Variants in POLR3E observed in about 807,000 individuals in gnomAD.
POLR3E encodes RNA polymerase III subunit E.
Under a neutral mutation model 96.6 loss-of-function variants are expected in POLR3E, and 41 were observed. The observed-to-expected ratio is 0.42, with a 90% CI of 0.33 to 0.55. The LOEUF (loss-of-function observed/expected upper bound fraction) is 0.55, where lower values mean the gene tolerates loss of function less well. POLR3E is among the 20% of genes least tolerant of loss of function. The pLI, the probability that POLR3E is intolerant of heterozygous loss-of-function variation, is 0.06. For synonymous variants in POLR3E, 396 were observed against 383.6 expected (o/e 1.03, Z -0.38); for missense variants, 849 against 952.1 (o/e 0.89, Z 1.43).
Position 22,305,156 on chromosome 16 carries a change from A to G in POLR3E, c.37A>G (p.Ile13Val). Reference protein sequence around the residue: ...NEEDDPVVQEIDVYLAKSLAE... With the variant: ...NEEDDPVVQEVDVYLAKSLAE... ...TTAAGTCGTCTTCCCTTCTTCCCAGATCGATGTGTACTTGGCCAAGAGTCT... is the reference window on the plus strand; with the variant it reads ...TTAAGTCGTCTTCCCTTCTTCCCAGGTCGATGTGTACTTGGCCAAGAGTCT... The change falls in exon 3 of 21, where the codon ATC becomes GTC. Residue 13 changes from isoleucine (I) to valine (V), a missense_variant and splice_region_variant. Physicochemically the swap from Ile to Val is conservative, Grantham distance 29. Coordinates refer to ENST00000299853, the MANE Select transcript of POLR3E (RefSeq NM_018119.4). 1 of 1,612,754 alleles carries G rather than the reference A, an allele frequency of 6.2e-7. No individual in the cohort carries two copies. Among genetic ancestry groups the G allele is most frequent in the Non-Finnish European group, 8.5e-7 (1 of 1,178,832 alleles).
intron 6 of POLR3E, chr16:22,309,820 G>A: frequency 2.3e-6 from 1 of 433,404 alleles, no homozygotes; most frequent in African/African-American, 2.0e-5. Flanking sequence ...CTTTAAATAT[G>A]AAGCTTATGA....
In POLR3E at chr16:22,313,492, T is replaced by G; in HGVS notation, c.365-128T>G. The G allele has an allele frequency of 4.8e-5, 30 of 625,794 alleles. No homozygotes were observed. Among genetic ancestry groups the G allele is most frequent in the Non-Finnish European group, 6.1e-5 (21 of 343,468 alleles). The allele number at this position is 625,794 out of a possible 1,614,324, so 38.8% of individuals were successfully genotyped here. ...GCCTGGTGGTCCCAAGACTCTAGGA[T>G]TGGGGGCTGCAGCGGGAATGGGAGG... On this transcript the variant is annotated intron_variant, in intron 6 of 20. Transcript: ENST00000299853. This position sits in a 1 kb window ranked among gnomAD's most constrained non-coding sequence, Gnocchi z 4.1.
At chr16:22,320,036 A>AAT (rs2048437942) in intron 13 of POLR3E, among the ~76,000 whole-genome samples, 1 of 152,106 alleles carries the variant, frequency 6.6e-6, no homozygotes, top group Non-Finnish European at 1.5e-5. Context: ...TATATTGATT[A>AAT]CCCTACAGTT....
At chr16:22,328,832 T>C in intron 19 of POLR3E, 1 of 471,436 alleles carries the variant, frequency 2.1e-6, no homozygotes, top group South Asian at 2.1e-5. Context: ...GAATCATCTT[T>C]TAAAAAATAC....
At chr16:22,308,346 G>A in intron 4 of POLR3E, 121 bp downstream of exon 4, 2 of 784,806 alleles carry the variant, frequency 2.5e-6, no homozygotes, top group Non-Finnish European at 2.2e-6. Context: ...GCAACTCCCA[G>A]GCCCTTGAAA....
intron 1 of POLR3E, among the ~76,000 whole-genome samples, chr16:22,300,971 A>G (rs1398747419): frequency 6.6e-6 from 1 of 152,134 alleles, no homozygotes; most frequent in African/African-American, 2.4e-5. Context: ...AGAGATGGGC[A>G]CAGATGCAGA....
chr16:22,308,496 TG>T (rs2048179815), intron 4 of POLR3E: 1 of 511,818 alleles, frequency 2.0e-6, no homozygotes, highest in African/African-American at 1.9e-5. Flanking sequence ...CGGGTGAACA[TG>T]GAGTAGGTTT....
chr16:22,333,009 T>TTGTTGCCCAGGCTAGAG (rs2048774904), intron 20 of POLR3E, among the ~76,000 whole-genome samples: 1 of 145,822 alleles, frequency 6.9e-6, no homozygotes. Flanking sequence ...AGTTTTGCTC[T>TTGTTGCCCAGGCTAGAG]TGTTGCCCAG....
chr16:22,334,992 G>A lies in POLR3E; in HGVS notation c.*1292G>A, dbSNP rs902405171. 6.6e-6 allele frequency: 1 copy of A among 152,212 alleles called. No homozygotes were observed. The highest frequency in any genetic ancestry group is 6.5e-5 in the Admixed American group (1 of 15,286). The allele number at this position is 152,212 out of a possible 1,614,324, so 9.4% of individuals were successfully genotyped here. On this transcript the variant is annotated 3_prime_UTR_variant, in exon 21 of 21. Transcript: ENST00000299853. Reference sequence around the variant, plus strand: ...TAGAATCACTAAGGCATTGATCAAGGATGTACTTTGCCAAATAAGTATTTG... The same window carrying A: ...TAGAATCACTAAGGCATTGATCAAGAATGTACTTTGCCAAATAAGTATTTG...
intron 19 of POLR3E, among the ~76,000 whole-genome samples, chr16:22,329,625 G>A (rs1204085374): frequency 2.0e-5 from 3 of 152,140 alleles, no homozygotes; most frequent in Non-Finnish European, 4.4e-5. Context: ...GAGCAAGCTT[G>A]AGTGCTTTTG....
chr16:22,326,405 T>G (rs1181979124), intron 18 of POLR3E, 127 bp downstream of exon 18: 1 of 797,154 alleles, frequency 1.3e-6, no homozygotes, highest in South Asian at 1.5e-5. Flanking sequence ...GGCCTAGGTG[T>G]GACATGGGCA....
At chr16:22,328,894 G>C (rs1032930526) in intron 19 of POLR3E, 1 of 323,830 alleles carries the variant, frequency 3.1e-6, no homozygotes, top group Non-Finnish European at 6.0e-6. Flanking sequence ...GGGAGGCCAA[G>C]GTGGGTGGAT....
At chr16:22,308,302 C>A in intron 4 of POLR3E, 77 bp downstream of exon 4, 1 of 1,119,328 alleles carries the variant, frequency 8.9e-7, no homozygotes. Context: ...GCGAGAAGCT[C>A]AGAGAAGGAG....
intron 1 of POLR3E, among the ~76,000 whole-genome samples, chr16:22,298,659 A>C (rs2047957317): frequency 6.6e-6 from 1 of 152,216 alleles, no homozygotes; most frequent in Admixed American, 6.5e-5. Flanking sequence ...GTTAAGAATA[A>C]GAATAAGGAT....
intron 8 of POLR3E, chr16:22,314,830 G>T: frequency 2.9e-6 from 1 of 341,768 alleles, no homozygotes; most frequent in Non-Finnish European, 5.5e-6. Context: ...GACTCTGCTG[G>T]CTCTGGCGCC....
At position 22,305,042 on chromosome 16, in the gene POLR3E, C is replaced by A. The variant is rs1230296635; in HGVS notation, c.37-114C>A. On this transcript the variant is annotated intron_variant, in intron 2 of 20. Transcript: ENST00000299853. ...ATGAGCTGAGCTATTTCCTCCTTCC[C>A]CAAACTGCTTCCCTGAGCCACTGCC... 4 of 819,020 alleles carry A rather than the reference C, an allele frequency of 4.9e-6. No homozygotes were observed. The East Asian group carries it at 7.3e-5, about 15-fold the overall frequency. The allele number at this position is 819,020 out of a possible 1,614,324, so 50.7% of individuals were successfully genotyped here.
intron 1 of POLR3E, among the ~76,000 whole-genome samples, chr16:22,298,701 T>C (rs546101014): frequency 1.3e-5 from 2 of 152,354 alleles, no homozygotes; most frequent in Non-Finnish European, 2.9e-5. Context: ...GTTTCTGTCC[T>C]CATTCCACCT....
At chr16:22,328,883 T>C (rs996128937) in intron 19 of POLR3E, 4 of 334,808 alleles carry the variant, frequency 1.2e-5, no homozygotes, top group East Asian at 7.7e-5. Flanking sequence ...CCCAGCACTT[T>C]GGGAGGCCAA....
chr16:22,310,004 A>G (rs141295262), intron 6 of POLR3E: 27 of 163,942 alleles, frequency 1.6e-4, no homozygotes, highest in Non-Finnish European at 3.1e-4. Flanking sequence ...CATTCACGCA[A>G]TGGGATGTTA....
Sources: allele counts gnomAD v4.1 joint callset (sites outside exome capture counted in the v4.1 genomes callset), GRCh38; gene constraint gnomAD v4.1.1; non-coding constraint Gnocchi (gnomAD v3.1); transcripts MANE v1.5; gene names NCBI Gene and HGNC (gene_info 2026-07-23, HGNC 2026-07-21).